Variants in SHOC1 observed in about 807,000 individuals in gnomAD.
SHOC1 encodes shortage in chiasmata 1.
Under a neutral mutation model 179.2 loss-of-function variants are expected in SHOC1, and 136 were observed. The ratio of observed to expected loss-of-function variants is 0.76; its 90% CI spans 0.66 to 0.87. The LOEUF (loss-of-function observed/expected upper bound fraction) is 0.87. Ranked by LOEUF, SHOC1 falls within the 40% of genes least tolerant of loss-of-function variation. The pLI, the probability that SHOC1 is intolerant of heterozygous loss-of-function variation, is 0.00. For synonymous variants in SHOC1, 489 were observed against 586.6 expected, an observed-to-expected ratio of 0.83 and a Z score of 2.41; for missense variants, 1,538 against 1,700.8, an observed-to-expected ratio of 0.90 and a Z score of 1.68.
Position 111,702,153 on chromosome 9 carries a change from T to C in SHOC1, c.3041A>G (p.Tyr1014Cys). Residue 1014 changes from tyrosine (Y) to cysteine (C), a missense_variant, in exon 23 of 28, where the codon TAC becomes TGC. By Grantham distance (194) the Tyr-to-Cys change is radical (BLOSUM62 -2). Transcript: ENST00000682961. ...IMRLMALSLQ[Y>C]RYCWIILYTK... ...ATATAAAATTATCCAACAATATCTG[T>C]ACTGTAATGATAATGCCATCAGCCT... 6.7e-7 allele frequency: 1 copy of C among 1,485,576 alleles called. No homozygotes were observed. Among genetic ancestry groups the C allele is most frequent in the Non-Finnish European group, 9.4e-7 (1 of 1,065,946 alleles). The allele number at this position is 1,485,576 out of a possible 1,614,324, so 92.0% of individuals were successfully genotyped here.
At chr9:111,754,092 C>CT (rs1834740209) in intron 8 of SHOC1, among the ~76,000 whole-genome samples, 1 of 152,080 alleles carries the variant, frequency 6.6e-6, no homozygotes, top group African/African-American at 2.4e-5. Context: ...AGTTAATTAG[C>CT]TTTTTTATGG....
chr9:111,730,652 T>C (rs1052636089), intron 12 of SHOC1, among the ~76,000 whole-genome samples: 1 of 152,232 alleles, frequency 6.6e-6, no homozygotes, highest in African/African-American at 2.4e-5. Flanking sequence ...TCTGGCTTTG[T>C]TGTTCCATTT....
At chr9:111,735,159 T>C (rs771993518) in intron 12 of SHOC1, among the ~76,000 whole-genome samples, 5 of 152,158 alleles carry the variant, frequency 3.3e-5, no homozygotes, top group African/African-American at 4.8e-5. Flanking sequence ...TCTTTATGGT[T>C]GGGTACTATT....
At chr9:111,776,637 G>A (rs936221779) in intron 4 of SHOC1, among the ~76,000 whole-genome samples, 1 of 152,172 alleles carries the variant, frequency 6.6e-6, no homozygotes, top group African/African-American at 2.4e-5. Flanking sequence ...ACTGGCAGAA[G>A]ATCAAAGGTG....
chr9:111,737,465 G>A (rs796967990), intron 12 of SHOC1, among the ~76,000 whole-genome samples: 36 of 152,232 alleles, frequency 2.4e-4, no homozygotes, highest in African/African-American at 4.3e-4. Flanking sequence ...TCAGGAGTTC[G>A]AGACCAGCCT....
chr9:111,714,199 T>A (rs1346233488), intron 17 of SHOC1, among the ~76,000 whole-genome samples: 1 of 152,098 alleles, frequency 6.6e-6, no homozygotes, highest in Non-Finnish European at 1.5e-5. Context: ...ATTTTTTTTA[T>A]AGAGACAAGG....
chr9:111,748,645 C>A (rs1409487320), intron 8 of SHOC1, among the ~76,000 whole-genome samples: 4 of 151,984 alleles, frequency 2.6e-5, no homozygotes, highest in African/African-American at 9.7e-5. Flanking sequence ...TATCTCCCTT[C>A]TTCCCTCCCT....
chr9:111,766,474 G>T (rs1835364452), intron 5 of SHOC1, among the ~76,000 whole-genome samples: 1 of 152,174 alleles, frequency 6.6e-6, no homozygotes, highest in African/African-American at 2.4e-5. Flanking sequence ...GCTCTCCATA[G>T]TGGCTGTTCT....
intron 13 of SHOC1, among the ~76,000 whole-genome samples, chr9:111,727,025 T>TA (rs755018165): frequency 8.1e-4 from 122 of 151,114 alleles, no homozygotes; most frequent in Non-Finnish European, 1.4e-3. Context: ...TAGCAGCCAA[T>TA]AAAAAAAAAT....
At chr9:111,704,676 C>T (rs576494819) in intron 21 of SHOC1, among the ~76,000 whole-genome samples, 42 of 152,232 alleles carry the variant, frequency 2.8e-4, no homozygotes, top group Non-Finnish European at 5.0e-4. Context: ...GACATGGAGC[C>T]CAAGGTCCAA....
chr9:111,761,689 T>G (rs1835144510), intron 5 of SHOC1, among the ~76,000 whole-genome samples: 1 of 152,046 alleles, frequency 6.6e-6, no homozygotes, highest in African/African-American at 2.4e-5. Context: ...CATATAAAGA[T>G]AAAATATATG....
chr9:111,766,578 C>T (rs1406711477), intron 5 of SHOC1, among the ~76,000 whole-genome samples: 1 of 151,934 alleles, frequency 6.6e-6, no homozygotes, highest in Non-Finnish European at 1.5e-5. Flanking sequence ...GCCATTTTAA[C>T]TTGGGTGAAA....
At chr9:111,746,634 A>C (rs373659022) in intron 9 of SHOC1, among the ~76,000 whole-genome samples, 1 of 152,154 alleles carries the variant, frequency 6.6e-6, no homozygotes, top group Non-Finnish European at 1.5e-5. Flanking sequence ...GTGTCACTGT[A>C]CTCCAACCTG....
intron 7 of SHOC1, among the ~76,000 whole-genome samples, 182 bp from the exon 8 acceptor site, chr9:111,756,660 A>G (rs902825790): frequency 6.6e-6 from 1 of 152,258 alleles, no homozygotes; most frequent in Non-Finnish European, 1.5e-5. Context: ...AATACGTTCT[A>G]TTATAAGCAA....
At chr9:111,764,087 A>C (rs1403771494) in intron 5 of SHOC1, among the ~76,000 whole-genome samples, 15 of 152,132 alleles carry the variant, frequency 9.9e-5, no homozygotes, top group Non-Finnish European at 2.9e-5. Flanking sequence ...TGTGAGTGGC[A>C]TGATGAAACC....
chr9:111,769,984 TTG>T (rs1466416159), intron 5 of SHOC1, among the ~76,000 whole-genome samples: 4,732 of 32,874 alleles, frequency 0.14, 271 homozygotes, highest in Non-Finnish European at 0.16. Context: ...TGTTTTTTTT[TTG>T]TTTTTTTTTT....
intron 8 of SHOC1, among the ~76,000 whole-genome samples, chr9:111,749,838 T>C (rs536476814): frequency 2.0e-5 from 3 of 152,208 alleles, no homozygotes; most frequent in African/African-American, 4.8e-5. Context: ...TCCATGTACC[T>C]GCAAAGGACA....
Position 111,692,022 on chromosome 9 carries a change from C to T in SHOC1, c.3955G>A (p.Val1319Ile), listed in dbSNP as rs1039901978. Residue 1319 changes from valine to isoleucine, a missense_variant, in exon 27 of 28, where the codon GTT becomes ATT. By Grantham distance (29) the Val-to-Ile change is conservative. Transcript: ENST00000682961. The stretch of plus-strand genomic sequence containing the variant: ...TGAGAATTTATAAAACGGGGGACAA[C>T]TGACACTCTCTTCTGAGTGTCAGTT... ...SPTDTQKRVS[V>I]VPRFINSQKR... is the part of the protein sequence containing the mutation. The T allele has an allele frequency of 6.2e-7, 1 of 1,613,424 alleles. No individual in the cohort carries two copies. The highest frequency in any genetic ancestry group is 8.5e-7 in the Non-Finnish European group (1 of 1,179,748).
chr9:111,786,528 T>TA (rs1554724663), intron 2 of SHOC1, among the ~76,000 whole-genome samples: 2 of 133,284 alleles, frequency 1.5e-5, no homozygotes, highest in African/African-American at 2.9e-5. Flanking sequence ...TTTTTTTTTT[T>TA]ACAAATTGAA....
Sources: allele counts gnomAD v4.1 joint callset (sites outside exome capture counted in the v4.1 genomes callset), GRCh38; gene constraint gnomAD v4.1.1; transcripts MANE v1.5; gene names NCBI Gene and HGNC (gene_info 2026-07-23, HGNC 2026-07-21).